The following DYNLL1 variants were observed in gnomAD, a reference collection of about 807,000 sequenced individuals.
The protein encoded by DYNLL1 is dynein light chain LC8-type 1.
A neutral mutation model predicts 10.1 loss-of-function variants in DYNLL1; 3 were observed. That is an observed-to-expected ratio of 0.30 (90% CI 0.14 to 0.77). DYNLL1 has a LOEUF of 0.77. DYNLL1 is among the 30% of genes least tolerant of loss of function. DYNLL1 has a pLI of 0.66. For synonymous variants in DYNLL1, 46 were observed against 41.2 expected (o/e 1.12, Z -0.45); for missense variants, 47 against 111.7 (o/e 0.42, Z 2.61).
chr12:120,496,278 A>T, intron 1 of DYNLL1, 62 bp downstream of exon 1: 1 of 1,303,632 alleles, frequency 7.7e-7, no homozygotes. Context: ...CTCCGGACTT[A>T]GCCCTCCGCG....
At chr12:120,497,990 C>T in intron 2 of DYNLL1, 83 bp from the exon 3 acceptor site, 1 of 1,385,470 alleles carries the variant, frequency 7.2e-7, no homozygotes, top group South Asian at 1.4e-5. Context: ...TCCTTTCTGC[C>T]CCTACAGGCT....
intron 1 of DYNLL1, among the ~76,000 whole-genome samples, chr12:120,479,464 A>T (rs71454644): frequency 1.5e-5 from 2 of 131,002 alleles, no homozygotes; most frequent in Admixed American, 8.1e-5. Flanking sequence ...AAAAAAAAAA[A>T]AAAAAATAAT....
chr12:120,477,066 A>T (rs1878771069), intron 1 of DYNLL1, among the ~76,000 whole-genome samples: 1 of 151,490 alleles, frequency 6.6e-6, no homozygotes, highest in African/African-American at 2.4e-5. Context: ...AGTAACTGGG[A>T]TTACAGGCAC....
chr12:120,482,326 A>AT (rs11352199), intron 1 of DYNLL1, among the ~76,000 whole-genome samples: 104 of 147,324 alleles, frequency 7.1e-4, no homozygotes, highest in Middle Eastern at 3.5e-3. Flanking sequence ...TGCCAAAACA[A>AT]TTTTTTTTTT....
In DYNLL1 at chr12:120,496,326, G is replaced by A. The variant is rs1033995733; in HGVS notation, c.-6-90G>A. The A allele has an allele frequency of 5.8e-6, 9 of 1,554,996 alleles. No homozygotes were observed. The African/African-American group carries it at 9.5e-5, about 16-fold the overall frequency. ...CCTGAGAAGTGGGGTGGGGGGCGTC[G>A]TCCCGTGGTGGCGCCGGCCGGGGTG... is the stretch of plus-strand genomic sequence containing the variant. On this transcript the variant is annotated intron_variant, in intron 1 of 2. Transcript: ENST00000242577.
chr12:120,480,452 G>A (rs915910865), intron 1 of DYNLL1, among the ~76,000 whole-genome samples: 2 of 152,160 alleles, frequency 1.3e-5, no homozygotes, highest in Non-Finnish European at 2.9e-5. Flanking sequence ...TTCAGGATGT[G>A]CCTGAAGCAG....
upstream of DYNLL1, among the ~76,000 whole-genome samples, chr12:120,493,513 AAAAAT>A (rs923283021): frequency 4.6e-5 from 7 of 152,138 alleles, no homozygotes; most frequent in African/African-American, 1.2e-4. Context: ...TCCATCTCAA[AAAAAT>A]AAAATAAAAT....
intron 1 of DYNLL1, among the ~76,000 whole-genome samples, chr12:120,486,573 A>G (rs1057287813): frequency 4.0e-5 from 6 of 151,780 alleles, no homozygotes; most frequent in African/African-American, 1.2e-4. Flanking sequence ...GGCTCAAGCA[A>G]TCCTCCCCGC....
At chr12:120,488,938 G>A (rs180753709) in intron 1 of DYNLL1, among the ~76,000 whole-genome samples, 56 of 152,094 alleles carry the variant, frequency 3.7e-4, no homozygotes, top group African/African-American at 1.3e-3. Flanking sequence ...GAGAAAAAAA[G>A]GACTAAGTGA....
chr12:120,492,379 C>A (rs1329862147), upstream of DYNLL1, among the ~76,000 whole-genome samples: 2 of 152,052 alleles, frequency 1.3e-5, no homozygotes, highest in Admixed American at 1.3e-4. The surrounding 1 kb of genome is among the most constrained non-coding windows in gnomAD (Gnocchi z 4.1). Flanking sequence ...ACCAGCCTGG[C>A]CAACATGGTG....
At chr12:120,488,642 TG>T (rs1388104060) in intron 1 of DYNLL1, 1 of 152,270 alleles carries the variant, frequency 6.6e-6, no homozygotes, top group African/African-American at 2.4e-5. Context: ...CAGGGTGCGG[TG>T]GTTCACGCAG....
intron 1 of DYNLL1, among the ~76,000 whole-genome samples, chr12:120,472,242 T>A (rs1321018582): frequency 6.6e-6 from 1 of 152,204 alleles, no homozygotes; most frequent in East Asian, 1.9e-4. Flanking sequence ...ATGGCAGTGA[T>A]TTCTATGTTT....
chr12:120,492,707 C>T (rs1879161660), upstream of DYNLL1, among the ~76,000 whole-genome samples: 1 of 152,176 alleles, frequency 6.6e-6, no homozygotes, highest in South Asian at 2.1e-4. The surrounding 1 kb of genome is among the most constrained non-coding windows in gnomAD (Gnocchi z 4.1). Context: ...GTTATAATTT[C>T]CTGTGGCAAG....
At position 120,498,289 on chromosome 12, in the gene DYNLL1, A is replaced by G; in HGVS notation, c.*79A>G. 11 of 1,526,902 alleles carry G rather than the reference A, an allele frequency of 7.2e-6. No individual in the cohort carries two copies. The highest frequency in any genetic ancestry group is 9.6e-6 in the Non-Finnish European group (11 of 1,142,086). 94.6% of individuals were successfully genotyped at this position (1,526,902 alleles called of 1,614,324 possible). A position where few individuals can be genotyped will look rare whatever the true frequency, so the allele number is the denominator to read the frequency against. On this transcript the variant is annotated 3_prime_UTR_variant, in exon 3 of 3. Coordinates refer to ENST00000242577, the MANE Select transcript of DYNLL1 (RefSeq NM_003746.3). ...CCTAAATTCCAAATACCAGAGACTG[A>G]AATTTTCAGCCTTGCTAAGGGAACA... is the stretch of plus-strand genomic sequence containing the variant.
intron 1 of DYNLL1, among the ~76,000 whole-genome samples, chr12:120,489,551 T>G (rs1169239233): frequency 1.3e-5 from 2 of 152,164 alleles, no homozygotes; most frequent in African/African-American, 4.8e-5. Context: ...CCACCATTCC[T>G]TCTTACCTGG....
Position 120,498,331 on chromosome 12 carries a change from T to A in DYNLL1, c.*121T>A. 7.9e-7 allele frequency: 1 copy of A among 1,263,034 alleles called. No homozygotes were observed. Among genetic ancestry groups the A allele is most frequent in the Non-Finnish European group, 1.1e-6 (1 of 931,844 alleles). The allele number at this position is 1,263,034 out of a possible 1,614,324, so 78.2% of individuals were successfully genotyped here. A position where few individuals can be genotyped will look rare whatever the true frequency, so the allele number is the denominator to read the frequency against. On this transcript the variant is annotated 3_prime_UTR_variant, in exon 3 of 3. Coordinates refer to ENST00000242577, the MANE Select transcript of DYNLL1 (RefSeq NM_003746.3). ...AAGGGAACATCTCGATGTTTGAACC[T>A]TTGTTGTGTTTTGTACAGGGCATTC...
At chr12:120,475,331 C>T (rs1472105944) in intron 1 of DYNLL1, among the ~76,000 whole-genome samples, 1 of 152,130 alleles carries the variant, frequency 6.6e-6, no homozygotes, top group East Asian at 1.9e-4. Context: ...TTGTTAAATT[C>T]TGTGATGGAG....
At chr12:120,470,268 T>C (rs1302637575) in intron 1 of DYNLL1, among the ~76,000 whole-genome samples, 1 of 152,114 alleles carries the variant, frequency 6.6e-6, no homozygotes, top group African/African-American at 2.4e-5. Flanking sequence ...ATCCGACTTG[T>C]GCTTTTCATC....
intron 1 of DYNLL1, among the ~76,000 whole-genome samples, chr12:120,471,029 A>C (rs766540010): frequency 6.6e-4 from 100 of 151,474 alleles, no homozygotes; most frequent in Non-Finnish European, 1.3e-3. Flanking sequence ...TGGGTGACAG[A>C]GTGAGACTGT....
Sources: allele counts gnomAD v4.1 joint callset (sites outside exome capture counted in the v4.1 genomes callset), GRCh38; gene constraint gnomAD v4.1.1; non-coding constraint Gnocchi (gnomAD v3.1); transcripts MANE v1.5; gene names NCBI Gene and HGNC (gene_info 2026-07-23, HGNC 2026-07-21).